GOLGA4: variants seen among roughly 807,000 people sequenced by gnomAD.
GOLGA4 encodes golgin A4, also known as golgin subfamily A member 4.
Under a neutral mutation model 265.9 loss-of-function variants are expected in GOLGA4, and 169 were observed. The observed-to-expected ratio is 0.64, with a 90% CI of 0.56 to 0.72. The LOEUF (loss-of-function observed/expected upper bound fraction) is 0.72, where lower values mean the gene tolerates loss of function less well. Ranked by LOEUF, GOLGA4 falls within the 30% of genes least tolerant of loss-of-function variation. The pLI is 0.00. For missense variants in GOLGA4, 2,482 were observed against 2,483.4 expected, an observed-to-expected ratio of 1.00 and a Z score of 0.01; for synonymous variants, 923 against 855.8, an observed-to-expected ratio of 1.08 and a Z score of -1.37.
rs188327235 is a variant in GOLGA4 at position 37,345,563 on chromosome 3, A to G, written c.6473-1630A>G. 2.0e-5 allele frequency among the ~76,000 whole-genome samples: 3 copies of G among 152,344 alleles called. No homozygotes were observed. The East Asian group carries it at 5.8e-4, about 29-fold the overall frequency. On this transcript the variant is annotated intron_variant, in intron 20 of 23. Transcript: ENST00000361924. ...AAGCCTCTTTATTTGAACAATAGCT[A>G]ATTTCCTCGCATAATTGCTTAAAAC...
chr3:37,298,283 G>A (rs1037888792), intron 7 of GOLGA4, among the ~76,000 whole-genome samples: 11 of 152,098 alleles, frequency 7.2e-5, no homozygotes, highest in African/African-American at 2.4e-4. Context: ...TTAGTGGGTG[G>A]GAGGAAGCCA....
chr3:37,314,615 T>G (rs1450437628), intron 10 of GOLGA4, among the ~76,000 whole-genome samples: 1 of 147,918 alleles, frequency 6.8e-6, no homozygotes, highest in Non-Finnish European at 1.5e-5. Context: ...CACTCCATCC[T>G]GGGTGACGGA....
chr3:37,343,313 G>T (rs2097044450), intron 20 of GOLGA4, among the ~76,000 whole-genome samples: 1 of 152,206 alleles, frequency 6.6e-6, no homozygotes, highest in South Asian at 2.1e-4. Flanking sequence ...TAGAGATGGG[G>T]TTTCTCCATG....
chr3:37,302,217 G>A lies in GOLGA4; in HGVS notation c.1119G>A (p.Met373Ile), dbSNP rs966603099. The change falls in exon 10 of 24, where the codon ATG becomes ATA. Residue 373 changes from methionine to isoleucine, a missense_variant. Met to Ile is a conservative substitution (Grantham distance 10). This residue lies in a region of GOLGA4 where 1,536 missense variants were observed against 1,483.7 expected (regional missense o/e 1.04). Coordinates refer to ENST00000361924, the MANE Select transcript of GOLGA4 (RefSeq NM_002078.5). ...GMVIAETKRQMHETLEMKEEE... is the reference protein window; with the variant it reads ...GMVIAETKRQIHETLEMKEEE... ...TAATCGCAGAGACAAAACGTCAGAT[G>A]CATGAAACCCTGGAAATGAAAGAAG... The A allele has an allele frequency of 5.0e-6, 8 of 1,613,210 alleles. No homozygotes were observed. Among genetic ancestry groups the A allele is most frequent in the Middle Eastern group, 1.6e-4 (1 of 6,082 alleles).
At chr3:37,291,280 T>G (rs2096864002) in intron 5 of GOLGA4, among the ~76,000 whole-genome samples, 1 of 152,188 alleles carries the variant, frequency 6.6e-6, no homozygotes, top group Non-Finnish European at 1.5e-5. Context: ...CTGTTTTTTT[T>G]TCCTTCCTAT....
intron 23 of GOLGA4, among the ~76,000 whole-genome samples, chr3:37,362,103 TA>T (rs1696320221): frequency 6.6e-6 from 1 of 152,186 alleles, no homozygotes; most frequent in South Asian, 2.1e-4. Flanking sequence ...TCACTATAAT[TA>T]AAATAAATAC....
At chr3:37,363,058 A>G (rs1050091020) in intron 23 of GOLGA4, among the ~76,000 whole-genome samples, 1 of 152,090 alleles carries the variant, frequency 6.6e-6, no homozygotes, top group Non-Finnish European at 1.5e-5. Context: ...CTGGGATTAC[A>G]GGCGTGAGCC....
rs184692986 is a variant in GOLGA4, at chr3:37,352,115, G to T, written c.6577-2986G>T. Among the ~76,000 whole-genome samples, 302 of 152,120 alleles carry T rather than the reference G, an allele frequency of 2.0e-3. 1 individual carries two copies. The highest frequency in any genetic ancestry group is 4.1e-3 in the Admixed American group (62 of 15,268). ...AGCTAGATCTTCTGGGTAATTTGCT[G>T]TACCTTCTCCATCAGCACTTACTGC... is the stretch of plus-strand genomic sequence containing the variant. On this transcript the variant is annotated intron_variant, in intron 21 of 23. Coordinates refer to ENST00000361924, the MANE Select transcript of GOLGA4 (RefSeq NM_002078.5).
chr3:37,322,100 C>G (rs1206533338), intron 13 of GOLGA4, among the ~76,000 whole-genome samples: 1 of 152,136 alleles, frequency 6.6e-6, no homozygotes, highest in Non-Finnish European at 1.5e-5. Flanking sequence ...CTTTAGCTGG[C>G]TGTATTTCTG....
intron 5 of GOLGA4, among the ~76,000 whole-genome samples, chr3:37,292,467 C>G (rs954959334): frequency 5.3e-5 from 8 of 152,150 alleles, no homozygotes; most frequent in African/African-American, 1.7e-4. Flanking sequence ...GCAGGCAGAT[C>G]ACGAGGTCAA....
chr3:37,363,399 A>G (rs1464665906), intron 23 of GOLGA4, among the ~76,000 whole-genome samples: 4 of 152,202 alleles, frequency 2.6e-5, no homozygotes, highest in Admixed American at 2.0e-4. Flanking sequence ...CAGCATTTCT[A>G]TTAATTGATT....
chr3:37,273,538 T>C, intron 2 of GOLGA4: 1 of 1,485,168 alleles, frequency 6.7e-7, no homozygotes, highest in Non-Finnish European at 9.1e-7. Flanking sequence ...TTTCTTAGAA[T>C]GCATCTACTC....
chr3:37,342,216 C>T (rs2097037979), intron 20 of GOLGA4, among the ~76,000 whole-genome samples: 1 of 152,098 alleles, frequency 6.6e-6, no homozygotes, highest in African/African-American at 2.4e-5. Flanking sequence ...TGGTGGCGTA[C>T]ACCTGTAATC....
chr3:37,287,241 T>C (rs1024886810), intron 4 of GOLGA4, among the ~76,000 whole-genome samples: 2 of 152,144 alleles, frequency 1.3e-5, no homozygotes, highest in Non-Finnish European at 2.9e-5. Flanking sequence ...CTCGGGAGGC[T>C]GAGGCAGGAG....
Position 37,323,571 on chromosome 3 carries a change from CTG to C in GOLGA4, c.1702-15_1702-14del, listed in dbSNP as rs1159829539. The C allele has an allele frequency of 2.0e-6, 3 of 1,479,660 alleles. No homozygotes were observed. The highest frequency in any genetic ancestry group is 1.4e-5 in the South Asian group (1 of 73,482). The allele number at this position is 1,479,660 out of a possible 1,614,324, so 91.7% of individuals were successfully genotyped here. A position where few individuals can be genotyped will look rare whatever the true frequency, so the allele number is the denominator to read the frequency against. On this transcript the variant is annotated splice_polypyrimidine_tract_variant and intron_variant, in intron 13 of 23. Coordinates refer to ENST00000361924, the MANE Select transcript of GOLGA4 (RefSeq NM_002078.5). ...AGTACGTACTTTAATAAAAATGCAT[CTG>C]TTTTTAATTAACAGAGAATTCTTGA...
intron 23 of GOLGA4, among the ~76,000 whole-genome samples, chr3:37,362,394 G>A (rs1445061239): frequency 1.3e-5 from 2 of 150,302 alleles, no homozygotes; most frequent in Admixed American, 6.6e-5. Context: ...CCGCCACTAC[G>A]CCCGGCTAAT....
At chr3:37,262,009 G>A (rs1480244952) in intron 2 of GOLGA4, among the ~76,000 whole-genome samples, 7 of 152,012 alleles carry the variant, frequency 4.6e-5, no homozygotes, top group Non-Finnish European at 7.4e-5. Context: ...ATGCTAAGAA[G>A]GCCACCAGTA....
At chr3:37,267,616 A>G (rs1300306998) in intron 2 of GOLGA4, among the ~76,000 whole-genome samples, 1 of 152,248 alleles carries the variant, frequency 6.6e-6, no homozygotes, top group African/African-American at 2.4e-5. Context: ...CAGTAAGGAT[A>G]GCCTTTGGTG....
chr3:37,300,906 T>C (rs559023208), intron 9 of GOLGA4, among the ~76,000 whole-genome samples: 28 of 152,320 alleles, frequency 1.8e-4, no homozygotes, highest in African/African-American at 6.5e-4. Context: ...ATATGACTCT[T>C]AAGATTTCTT....
Sources: gnomAD v4.1 joint callset for allele counts (sites outside exome capture counted in the v4.1 genomes callset) on GRCh38, gnomAD v4.1.1 for gene constraint, gnomAD v4.1.1 regional missense constraint, MANE v1.5 for transcripts, NCBI Gene and HGNC (gene_info 2026-07-23, HGNC 2026-07-21) for gene names.